EHBP1: variants seen among roughly 807,000 people sequenced by gnomAD.
EHBP1 encodes EH domain binding protein 1, also known as EH domain-binding protein 1.
A neutral mutation model predicts 144.0 loss-of-function variants in EHBP1; 55 were observed. That is an observed-to-expected ratio of 0.38 (90% CI 0.31 to 0.48). The LOEUF (loss-of-function observed/expected upper bound fraction) is 0.48, where lower values mean the gene tolerates loss of function less well. Among genes scored for constraint, EHBP1 ranks in the 20% least tolerant of loss-of-function variants. The pLI is 0.98. For missense variants in EHBP1, 1,200 were observed against 1,364.2 expected, an observed-to-expected ratio of 0.88 and a Z score of 1.90; for synonymous variants, 469 against 472.7, an observed-to-expected ratio of 0.99 and a Z score of 0.10.
intron 7 of EHBP1, among the ~76,000 whole-genome samples, chr2:62,841,579 C>G (rs1341239750): frequency 2.0e-5 from 3 of 151,708 alleles, no homozygotes; most frequent in African/African-American, 7.3e-5. Context: ...TATTTAAACC[C>G]TTCCCTCCAA....
chr2:62,961,225 A>G (rs1177859180), intron 14 of EHBP1, among the ~76,000 whole-genome samples: 1 of 152,126 alleles, frequency 6.6e-6, no homozygotes, highest in African/African-American at 2.4e-5. Context: ...AAACCTTTTA[A>G]TTTTTCTAAA....
chr2:62,697,819 A>T (rs1322215310), intron 1 of EHBP1, among the ~76,000 whole-genome samples: 1 of 152,242 alleles, frequency 6.6e-6, no homozygotes, highest in Non-Finnish European at 1.5e-5. Flanking sequence ...CTGAAAGTTA[A>T]TAAGATATTA....
At position 63,037,517 on chromosome 2, in the gene EHBP1, A is replaced by G. The variant is rs771003814; in HGVS notation, c.3104-18A>G. On this transcript the variant is annotated intron_variant, in intron 19 of 22. Coordinates refer to ENST00000431489, the MANE Select transcript of EHBP1 (RefSeq NM_001142616.3). ...TTTTAACATCGTATAGTAAAAGGTA[A>G]CTCTTCCCGAATTATAGGAAGGAAC... The G allele has an allele frequency of 6.4e-7, 1 of 1,553,404 alleles. No individual in the cohort carries two copies. Among genetic ancestry groups the G allele is most frequent in the Admixed American group, 1.7e-5 (1 of 57,286 alleles).
intron 5 of EHBP1, among the ~76,000 whole-genome samples, chr2:62,776,906 C>T (rs2042090373): frequency 6.6e-6 from 1 of 151,982 alleles, no homozygotes. Context: ...TTTTTCTCTT[C>T]CTGGTGTTTT....
At chr2:62,674,039 C>A (rs755581800) in exon 1 of EHBP1, 4 of 470,962 alleles carry the variant, frequency 8.5e-6, no homozygotes. Context: ...TCTCAAGAAG[C>A]CGAATCAAAA....
chr2:62,769,510 G>A (rs12994674), intron 4 of EHBP1, among the ~76,000 whole-genome samples: 49,518 of 151,908 alleles, frequency 0.33, 8,108 homozygotes, highest in Middle Eastern at 0.52. Context: ...AATCAGAGAT[G>A]ACACAAACAA....
intron 5 of EHBP1, among the ~76,000 whole-genome samples, chr2:62,787,818 A>G (rs779105403): frequency 2.6e-5 from 4 of 152,232 alleles, no homozygotes; most frequent in Non-Finnish European, 5.9e-5. Flanking sequence ...TGAGCTATAG[A>G]TTGCAATTTA....
intron 1 of EHBP1, among the ~76,000 whole-genome samples, chr2:62,674,857 C>T (rs939779295): frequency 2.0e-5 from 3 of 152,122 alleles, no homozygotes; most frequent in African/African-American, 7.2e-5. Context: ...TGTTAAATTC[C>T]TGGCCTCAAA....
chr2:62,742,328 A>G (rs58414922), intron 2 of EHBP1, among the ~76,000 whole-genome samples: 2,459 of 152,226 alleles, frequency 0.016, 62 homozygotes, highest in African/African-American at 0.055. Context: ...AGATTTTGGT[A>G]TCTGTTGGGG....
At chr2:62,708,904 T>G (rs188072034) in intron 2 of EHBP1, among the ~76,000 whole-genome samples, 118 of 152,068 alleles carry the variant, frequency 7.8e-4, no homozygotes, top group African/African-American at 2.6e-3. Flanking sequence ...AGTGTAGGAT[T>G]GGGGGGCATG....
At chr2:62,924,206 C>G (rs551872946) in intron 10 of EHBP1, among the ~76,000 whole-genome samples, 10 of 152,314 alleles carry the variant, frequency 6.6e-5, no homozygotes, top group African/African-American at 2.4e-4. Context: ...CTTGTTCTCC[C>G]AGCCAAAGTA....
intron 10 of EHBP1, among the ~76,000 whole-genome samples, chr2:62,897,854 A>G (rs2053068672): frequency 6.6e-6 from 1 of 152,150 alleles, no homozygotes; most frequent in Non-Finnish European, 1.5e-5. Context: ...CCTAGTTCAA[A>G]TAGATCTTTA....
intron 13 of EHBP1, among the ~76,000 whole-genome samples, chr2:62,954,615 AAAG>A (rs1362331371): frequency 1.3e-5 from 2 of 152,288 alleles, no homozygotes; most frequent in East Asian, 3.9e-4. Flanking sequence ...TAAAGACCAC[AAAG>A]AAGCCCAAAA....
intron 9 of EHBP1, among the ~76,000 whole-genome samples, chr2:62,873,597 T>A (rs931170248): frequency 2.6e-5 from 4 of 151,990 alleles, no homozygotes; most frequent in African/African-American, 9.7e-5. Flanking sequence ...ATAAAACACA[T>A]GACTCTTCAG....
chr2:62,757,792 A>G (rs896600645), intron 3 of EHBP1, among the ~76,000 whole-genome samples: 2 of 152,156 alleles, frequency 1.3e-5, no homozygotes, highest in Admixed American at 6.5e-5. Flanking sequence ...ACTGATTCTC[A>G]GTATATTATC....
At chr2:62,812,076 A>G (rs1377191030) in intron 5 of EHBP1, among the ~76,000 whole-genome samples, 1 of 152,150 alleles carries the variant, frequency 6.6e-6, no homozygotes, top group East Asian at 1.9e-4. Context: ...AAATGAGTTT[A>G]GCCCCCTCTT....
intron 3 of EHBP1, among the ~76,000 whole-genome samples, chr2:62,754,069 CT>C (rs1432880276): frequency 6.6e-6 from 1 of 152,182 alleles, no homozygotes; most frequent in Non-Finnish European, 1.5e-5. Context: ...GAGAGGTGCT[CT>C]GATTTTTAGA....
At chr2:62,855,925 G>C (rs775070892) in intron 7 of EHBP1, among the ~76,000 whole-genome samples, 18 of 152,190 alleles carry the variant, frequency 1.2e-4, no homozygotes, top group Admixed American at 1.3e-4. Flanking sequence ...TCTGCTGAGA[G>C]CTGCAGAGTT....
chr2:62,844,228 G>A (rs1339138198), intron 7 of EHBP1, among the ~76,000 whole-genome samples: 1 of 152,040 alleles, frequency 6.6e-6, no homozygotes, highest in African/African-American at 2.4e-5. Flanking sequence ...GTCTTTGCTA[G>A]GAGGTGAAAG....
Sources: gnomAD v4.1 joint callset for allele counts (sites outside exome capture counted in the v4.1 genomes callset) on GRCh38, gnomAD v4.1.1 for gene constraint, MANE v1.5 for transcripts, NCBI Gene and HGNC (gene_info 2026-07-23, HGNC 2026-07-21) for gene names.